FSD2: variants seen among roughly 807,000 people sequenced by gnomAD.
FSD2 encodes fibronectin type III and SPRY domain containing 2.
FSD2 carries 71 observed loss-of-function variants against 80.4 expected under a neutral mutation model. The ratio of observed to expected loss-of-function variants is 0.88; its 90% confidence interval spans 0.73 to 1.08. FSD2 has a LOEUF of 1.08. FSD2 is among the 50% of genes least tolerant of loss of function. The pLI is 0.00. For missense variants in FSD2, 923 were observed against 913.8 expected, an observed-to-expected ratio of 1.01 and a Z score of -0.13; for synonymous variants, 361 against 329.5, an observed-to-expected ratio of 1.10 and a Z score of -1.03.
chr15:82,779,048 T>C (rs1596244589), intron 5 of FSD2, among the ~76,000 whole-genome samples, 161 bp from the exon 6 acceptor site: 2 of 152,180 alleles, frequency 1.3e-5, no homozygotes, highest in African/African-American at 4.8e-5. Flanking sequence ...TTTTTGGAGA[T>C]TGACCTAGGG....
rs558795727 is a variant in FSD2 at position 82,778,157 on chromosome 15, T to TATATATATATATATATATATATATAA, written c.1111+608_1111+609insTTATATATATATATATATATATATAT. 6.9e-5 allele frequency among the ~76,000 whole-genome samples: 9 copies of TATATATATATATATATATATATATAA among 129,882 alleles called. 1 individual carries two copies. Among genetic ancestry groups the TATATATATATATATATATATATATAA allele is most frequent in the African/African-American group, 2.8e-4 (9 of 31,700 alleles). The allele number at this position is 129,882 out of a possible 152,430, so 85.2% of individuals were successfully genotyped here. A position where few individuals can be genotyped will look rare whatever the true frequency, so the allele number is the denominator to read the frequency against. On this transcript the variant is annotated intron_variant, in intron 6 of 12. Transcript: ENST00000334574. The stretch of plus-strand genomic sequence containing the variant: ...ATATATATATATATATATATATATA[T>TATATATATATATATATATATATATAA]AATAACTATTACATGATCTAGTAAT...
At position 82,766,027 on chromosome 15, in the gene FSD2, C is replaced by T. The variant is rs1342902027; in HGVS notation, c.1558G>A (p.Val520Ile). 1.3e-6 allele frequency: 2 copies of T among 1,580,962 alleles called. 1 individual carries two copies. Among genetic ancestry groups the T allele is most frequent in the South Asian group, 2.3e-5 (2 of 86,378 alleles). The change falls in exon 10 of 13, where the codon GTT becomes ATT. Residue 520 changes from valine to isoleucine, a missense_variant. Val to Ile is a conservative substitution (Grantham distance 29). Transcript: ENST00000334574. ...GACTCGCAGGTCGGGATGCCCACAA[C>T]AGACCTGTACAAGGAAGCAGAGCTG... ...SPEASGVTES[V>I]VGIPTCESVV...
chr15:82,801,340 G>A (rs1179544855), intron 1 of FSD2, among the ~76,000 whole-genome samples: 1 of 152,174 alleles, frequency 6.6e-6, no homozygotes, highest in Non-Finnish European at 1.5e-5. Context: ...GCTACACCCT[G>A]CCTTCGAAAT....
chr15:82,761,956 T>G, intron 12 of FSD2, 146 bp downstream of exon 12: 1 of 719,036 alleles, frequency 1.4e-6, no homozygotes, highest in South Asian at 2.4e-5. Context: ...TACTTGGACT[T>G]TAGGGAAAGT....
chr15:82,776,314 G>T (rs2049711701), intron 6 of FSD2, among the ~76,000 whole-genome samples: 1 of 152,100 alleles, frequency 6.6e-6, no homozygotes, highest in African/African-American at 2.4e-5. Flanking sequence ...AACAATAAAA[G>T]ATACTTGATA....
At chr15:82,765,074 G>T (rs560499563) in intron 11 of FSD2, 92 bp downstream of exon 11, 5 of 1,400,198 alleles carry the variant, frequency 3.6e-6, no homozygotes, top group Non-Finnish European at 4.8e-6. Context: ...TTTCCCTCGA[G>T]GCTGCCTCCG....
chr15:82,759,647 T>A, intron 12 of FSD2, 47 bp from the exon 13 acceptor site: 3 of 1,400,824 alleles, frequency 2.1e-6, no homozygotes, highest in South Asian at 1.4e-5. Flanking sequence ...TTCTATAGAT[T>A]GACTATTTAT....
At chr15:82,790,631 A>G (rs951066206) in intron 1 of FSD2, among the ~76,000 whole-genome samples, 1 of 151,554 alleles carries the variant, frequency 6.6e-6, no homozygotes, top group Non-Finnish European at 1.5e-5. Context: ...GGTGGAGTCC[A>G]GTGGCGCGAT....
At position 82,769,026 on chromosome 15, in the gene FSD2, A is replaced by G; in HGVS notation, c.1407T>C (p.Pro469=). The G allele has an allele frequency of 6.3e-7, 1 of 1,580,570 alleles. No homozygotes were observed. The highest frequency in any genetic ancestry group is 8.6e-7 in the Non-Finnish European group (1 of 1,165,524). ...SSERAVYMTA[P]SPPIIKTKEI... ...CTTTGGTTTTAATAATGGGGGGAGA[A>G]GGTGCTAAATGTGGGAGAAAGGGAG... is the stretch of plus-strand genomic sequence containing the variant. Residue 469 remains proline (P), a synonymous_variant, in exon 9 of 13, where the codon CCT becomes CCC. Coordinates refer to ENST00000334574, the MANE Select transcript of FSD2 (RefSeq NM_001007122.4).
chr15:82,760,033 G>A (rs971358137), intron 12 of FSD2, among the ~76,000 whole-genome samples: 2 of 152,098 alleles, frequency 1.3e-5, no homozygotes, highest in African/African-American at 4.8e-5. Flanking sequence ...AGCTCAGGCA[G>A]TCCACTTGCC....
At chr15:82,803,990 A>G (rs117856180) in intron 1 of FSD2, among the ~76,000 whole-genome samples, 1,594 of 152,286 alleles carry the variant, frequency 0.01, 7 homozygotes, top group Non-Finnish European at 0.016. Context: ...AATGTACTTT[A>G]TGCATAGTAC....
At position 82,782,810 on chromosome 15, in the gene FSD2, C is replaced by T. The variant is rs746737368; in HGVS notation, c.951G>A (p.Lys317=). ...CATTACTGACCTTTATGAAATCCAC[C>T]TTCTCCTCGTGACACATCTCCTCTA... ...ETIEEMCHEE[K]VDFIKDAVAM... The change falls in exon 4 of 13, where the codon AAG becomes AAA. Residue 317 remains lysine, a synonymous_variant. Transcript: ENST00000334574. The T allele has an allele frequency of 1.9e-6, 3 of 1,608,214 alleles. No individual in the cohort carries two copies. The South Asian group carries it at 3.4e-5, about 18-fold the overall frequency.
chr15:82,765,907 G>A lies in FSD2; in HGVS notation c.1678C>T (p.His560Tyr), dbSNP rs145392371. The A allele has an allele frequency of 4.4e-4, 702 of 1,609,986 alleles. No homozygotes were observed. In the African/African-American group the frequency reaches 8.5e-3, roughly 20 times the overall value. The change falls in exon 10 of 13, where the codon CAC becomes TAC. Residue 560 changes from histidine (H) to tyrosine (Y), a missense_variant. Transcript: ENST00000334574. ...PSVRSEPATV[H>Y]TIGSYFRLNK... ...GGGCTGGGGCACAGACCTATGGTGTGGACTGTAGCTGGCTCGCTCCTCACG... is the reference window on the plus strand; with the variant it reads ...GGGCTGGGGCACAGACCTATGGTGTAGACTGTAGCTGGCTCGCTCCTCACG...
chr15:82,778,879 T>G lies in FSD2; in HGVS notation c.998A>C (p.Lys333Thr), dbSNP rs4779061. The change falls in exon 6 of 13, where the codon AAA (lysine) becomes ACA (threonine). Residue 333 changes from lysine (K) to threonine (T), a missense_variant. Physicochemically the swap from Lys to Thr is moderately conservative, Grantham distance 78 (BLOSUM62 -1). Coordinates refer to ENST00000334574, the MANE Select transcript of FSD2 (RefSeq NM_001007122.4). ...CACGTCTGTTTTTGTTTTCAGGAAT[T>G]TCCCGAGTCTGTTGGTATAAAAAGA... ...DAVAMADRLG[K>T]FLKTKTDVEI... The G allele has an allele frequency of 0.17, 280,400 of 1,613,260 alleles. 27,151 individuals carry two copies. Among genetic ancestry groups the G allele is most frequent in the South Asian group, 0.32 (29,185 of 91,044 alleles).
intron 3 of FSD2, among the ~76,000 whole-genome samples, chr15:82,784,468 G>T (rs560081810): frequency 6.6e-6 from 1 of 152,066 alleles, no homozygotes; most frequent in South Asian, 2.1e-4. Context: ...GGCTGGTCTC[G>T]AACTCCTGAC....
intron 6 of FSD2, among the ~76,000 whole-genome samples, chr15:82,772,958 T>G (rs898547080): frequency 2.0e-5 from 3 of 152,186 alleles, no homozygotes; most frequent in Admixed American, 2.0e-4. Flanking sequence ...GTGATTCTTG[T>G]GCCTCAGCCT....
chr15:82,782,644 G>A (rs1596248533), intron 4 of FSD2, 151 bp downstream of exon 4: 1 of 677,254 alleles, frequency 1.5e-6, no homozygotes, highest in East Asian at 2.5e-5. Flanking sequence ...TCATCCAGTG[G>A]AATCAAATGG....
chr15:82,773,876 G>C (rs2049648250), intron 6 of FSD2, among the ~76,000 whole-genome samples: 2 of 152,082 alleles, frequency 1.3e-5, no homozygotes, highest in Non-Finnish European at 2.9e-5. Context: ...AAATTGTTTT[G>C]CTGAAAAAAC....
intron 1 of FSD2, among the ~76,000 whole-genome samples, chr15:82,789,308 A>G (rs1190968784): frequency 1.3e-5 from 2 of 151,792 alleles, no homozygotes; most frequent in African/African-American, 4.8e-5. Context: ...TTATATGTAG[A>G]ATATCATGTC....
Sources: gnomAD v4.1 joint callset for allele counts (sites outside exome capture counted in the v4.1 genomes callset) on GRCh38, gnomAD v4.1.1 for gene constraint, MANE v1.5 for transcripts, NCBI Gene and HGNC (gene_info 2026-07-23, HGNC 2026-07-21) for gene names.